Variants in SLC24A3 observed in about 807,000 individuals in gnomAD.
SLC24A3 encodes solute carrier family 24 member 3, also known as sodium/potassium/calcium exchanger 3.
In SLC24A3, 28 loss-of-function variants were observed where a neutral mutation model predicts 75.8. The observed-to-expected ratio is 0.37, with a 90% confidence interval of 0.27 to 0.51. SLC24A3 has a LOEUF of 0.51. SLC24A3 is among the 20% of genes least tolerant of loss of function. The pLI is 0.94. For synonymous variants in SLC24A3, 372 were observed against 334.1 expected (o/e 1.11, Z -1.24); for missense variants, 663 against 847.8 (o/e 0.78, Z 2.71).
rs186355435 is a variant in SLC24A3 at position 19,595,225 on chromosome 20, G to A, written c.612+9681G>A. Among the ~76,000 whole-genome samples the A allele has an allele frequency of 1.6e-3, 239 of 152,288 alleles. 1 individual carries two copies. The highest frequency in any genetic ancestry group is 5.5e-3 in the African/African-American group (230 of 41,560). ...AGCAGACACATCACGCATTTTTTCT[G>A]CTGAGGGAATCACTGTGCTAGGCTG... On this transcript the variant is annotated intron_variant, in intron 6 of 16. Coordinates refer to ENST00000328041, the MANE Select transcript of SLC24A3 (RefSeq NM_020689.4).
chr20:19,382,858 A>T (rs1986205648), intron 2 of SLC24A3, among the ~76,000 whole-genome samples: 1 of 152,110 alleles, frequency 6.6e-6, no homozygotes, highest in African/African-American at 2.4e-5. Flanking sequence ...GCTCCGATAT[A>T]TTCACTCAAG....
chr20:19,347,178 A>G (rs1406589607), intron 2 of SLC24A3, among the ~76,000 whole-genome samples: 1 of 152,222 alleles, frequency 6.6e-6, no homozygotes, highest in Non-Finnish European at 1.5e-5. Flanking sequence ...AACTGTACAG[A>G]CAGTAGAAAG....
chr20:19,271,649 A>G (rs111786310), intron 1 of SLC24A3, among the ~76,000 whole-genome samples: 1,779 of 152,380 alleles, frequency 0.012, 31 homozygotes, highest in African/African-American at 0.039. Context: ...ACAGAATACC[A>G]TTCAGCCATA....
intron 2 of SLC24A3, among the ~76,000 whole-genome samples, chr20:19,317,045 C>G (rs550262354): frequency 5.9e-5 from 9 of 151,968 alleles, no homozygotes; most frequent in African/African-American, 2.2e-4. Context: ...CTTTGACAAA[C>G]CTGACAAAAA....
In SLC24A3 at chr20:19,446,832, G is replaced by A. The variant is rs575369037; in HGVS notation, c.272-68656G>A. ...TGAGCAATGGAGCCTCTGCCAAAAG[G>A]CTTTCGCGTGCACCTGCAGTGCTCG... On this transcript the variant is annotated intron_variant, in intron 2 of 16. Coordinates refer to ENST00000328041, the MANE Select transcript of SLC24A3 (RefSeq NM_020689.4). Among the ~76,000 whole-genome samples the A allele has an allele frequency of 2.6e-5, 4 of 152,320 alleles. No individual in the cohort carries two copies. The East Asian group carries it at 7.7e-4, about 29-fold the overall frequency.
intron 2 of SLC24A3, among the ~76,000 whole-genome samples, chr20:19,439,566 T>C (rs1987265055): frequency 6.6e-6 from 1 of 152,198 alleles, no homozygotes; most frequent in South Asian, 2.1e-4. Flanking sequence ...GAGTAACTTC[T>C]TAGCACCCCA....
At chr20:19,382,742 C>T (rs6046032) in intron 2 of SLC24A3, among the ~76,000 whole-genome samples, 67,289 of 151,942 alleles carry the variant, frequency 0.44, 15,229 homozygotes, top group Middle Eastern at 0.57. Flanking sequence ...TGTCTTCTCC[C>T]ACCCCAAAAT....
intron 2 of SLC24A3, among the ~76,000 whole-genome samples, chr20:19,370,040 C>G (rs954484092): frequency 9.2e-5 from 14 of 152,102 alleles, no homozygotes; most frequent in African/African-American, 3.4e-4. Context: ...TTAAACTGTG[C>G]TGGAAATCTA....
chr20:19,673,572 G>T (rs779657209), intron 8 of SLC24A3, 29 bp from the exon 9 acceptor site: 1 of 1,605,762 alleles, frequency 6.2e-7, no homozygotes, highest in Non-Finnish European at 8.5e-7. Context: ...GTCCATGACT[G>T]TCTTTAACTG....
chr20:19,633,932 A>G (rs935007553), intron 6 of SLC24A3, among the ~76,000 whole-genome samples: 1 of 152,116 alleles, frequency 6.6e-6, no homozygotes, highest in Admixed American at 6.5e-5. Flanking sequence ...TATTCAATAA[A>G]ATGCTGCTGC....
intron 2 of SLC24A3, among the ~76,000 whole-genome samples, chr20:19,380,284 T>C (rs896719052): frequency 1.3e-5 from 2 of 151,938 alleles, no homozygotes; most frequent in Non-Finnish European, 2.9e-5. Context: ...ATTAGAGGAA[T>C]TGAAAGAAGA....
chr20:19,711,913 C>T (rs982839952), intron 15 of SLC24A3, among the ~76,000 whole-genome samples: 2 of 152,066 alleles, frequency 1.3e-5, no homozygotes, highest in Non-Finnish European at 2.9e-5. Flanking sequence ...GCTAGGGTTA[C>T]AGGTGTGAGC....
At chr20:19,557,620 A>G (rs375333907) in intron 3 of SLC24A3, among the ~76,000 whole-genome samples, 90 of 152,202 alleles carry the variant, frequency 5.9e-4, no homozygotes, top group African/African-American at 1.9e-3. Flanking sequence ...TTTCTCTATT[A>G]CTTTGGGTTT....
intron 1 of SLC24A3, among the ~76,000 whole-genome samples, chr20:19,268,424 TA>T (rs966979067): frequency 5.3e-5 from 8 of 152,242 alleles, no homozygotes; most frequent in African/African-American, 1.9e-4. Flanking sequence ...TGGGGGACCC[TA>T]CCAGCTTTTG....
At chr20:19,512,437 T>C (rs1600260130) in intron 2 of SLC24A3, among the ~76,000 whole-genome samples, 2 of 152,112 alleles carry the variant, frequency 1.3e-5, no homozygotes, top group Admixed American at 1.3e-4. Flanking sequence ...TCCCCAGGGG[T>C]CCCAGCTGGG....
intron 1 of SLC24A3, among the ~76,000 whole-genome samples, chr20:19,233,295 C>T (rs577055841): frequency 1.1e-4 from 16 of 152,308 alleles, no homozygotes; most frequent in East Asian, 1.9e-4. Flanking sequence ...GAAGGATGTC[C>T]GCTCCAGGCA....
At chr20:19,215,477 G>A in intron 1 of SLC24A3, among the ~76,000 whole-genome samples, 1 of 152,060 alleles carries the variant, frequency 6.6e-6, no homozygotes, top group Admixed American at 6.5e-5. Context: ...ATGATCAAAG[G>A]TAATATTTTC....
chr20:19,615,761 T>C (rs2031728400), intron 6 of SLC24A3, among the ~76,000 whole-genome samples: 1 of 152,204 alleles, frequency 6.6e-6, no homozygotes, highest in Non-Finnish European at 1.5e-5. Context: ...CTTCTGTTCC[T>C]CCTGCCCTTG....
intron 2 of SLC24A3, among the ~76,000 whole-genome samples, chr20:19,448,350 C>T (rs947732269): frequency 6.6e-6 from 1 of 152,198 alleles, no homozygotes; most frequent in Non-Finnish European, 1.5e-5. Context: ...CTTTTAATTC[C>T]GGTAACCAAC....
Sources: allele counts gnomAD v4.1 joint callset (sites outside exome capture counted in the v4.1 genomes callset), GRCh38; gene constraint gnomAD v4.1.1; transcripts MANE v1.5; gene names NCBI Gene and HGNC (gene_info 2026-07-23, HGNC 2026-07-21).